CD44: variants seen among roughly 807,000 people sequenced by gnomAD.
CD44 encodes the protein CD44 antigen.
In CD44, 49 loss-of-function variants were observed where a neutral mutation model predicts 88.8. That is an observed-to-expected ratio of 0.55 (90% CI 0.44 to 0.70). The LOEUF is 0.70. Among genes scored for constraint, CD44 ranks in the 30% least tolerant of loss-of-function variants. The pLI is 0.00. For missense variants in CD44, 883 were observed against 913.8 expected (o/e 0.97, Z 0.43); for synonymous variants, 325 against 312.3 (o/e 1.04, Z -0.43).
intron 15 of CD44, among the ~76,000 whole-genome samples, chr11:35,217,065 G>A (rs1242071579): frequency 6.6e-6 from 1 of 152,088 alleles, no homozygotes; most frequent in African/African-American, 2.4e-5. Flanking sequence ...GTCCTACCCT[G>A]GCTGGATTTG....
intron 7 of CD44, among the ~76,000 whole-genome samples, chr11:35,199,398 T>C (rs1947073812): frequency 6.6e-6 from 1 of 152,168 alleles, no homozygotes; most frequent in African/African-American, 2.4e-5. Context: ...TGAACAGAGC[T>C]GAGAATCCTG....
At chr11:35,166,968 C>T (rs1442723634) in intron 1 of CD44, among the ~76,000 whole-genome samples, 1 of 152,218 alleles carries the variant, frequency 6.6e-6, no homozygotes, top group African/African-American at 2.4e-5. Context: ...AGGAGCCCAT[C>T]ACATGGGCAT....
chr11:35,221,615 T>C, intron 16 of CD44, 39 bp from the exon 17 acceptor site: 1 of 1,554,594 alleles, frequency 6.4e-7, no homozygotes, highest in South Asian at 1.1e-5. Context: ...AAAGTGTGTC[T>C]CTGAAGCTCA....
chr11:35,216,508 A>G (rs1948840832), intron 15 of CD44, among the ~76,000 whole-genome samples: 1 of 152,210 alleles, frequency 6.6e-6, no homozygotes, highest in African/African-American at 2.4e-5. Context: ...GAGGAGCACT[A>G]GGAGGTAGGG....
intron 1 of CD44, among the ~76,000 whole-genome samples, chr11:35,162,788 CAAA>C (rs940774543): frequency 1.3e-5 from 2 of 152,022 alleles, no homozygotes; most frequent in African/African-American, 4.8e-5. Context: ...TGTAACTCCC[CAAA>C]ACATCTGAAG....
At chr11:35,151,712 G>A (rs927050413) in intron 1 of CD44, among the ~76,000 whole-genome samples, 10 of 152,222 alleles carry the variant, frequency 6.6e-5, no homozygotes, top group Admixed American at 2.6e-4. Context: ...TGAGAGTTGT[G>A]TGTATAGTCC....
In CD44 at chr11:35,208,197, A is replaced by G. The variant is rs1948070457; in HGVS notation, c.1507A>G (p.Met503Val). ...TTTGGACAGGACAGGACCTCTTTCA[A>G]TGACAACGCGTAAGAATAACGATGC... ...EDLDRTGPLS[M>V]TTQQSNSQSF... The change falls in exon 12 of 18, where the codon ATG (methionine) becomes GTG (valine). Residue 503 changes from methionine (M) to valine (V), a missense_variant. Physicochemically the swap from Met to Val is conservative, Grantham distance 21. Coordinates refer to ENST00000428726, the MANE Select transcript of CD44 (RefSeq NM_000610.4). The G allele has an allele frequency of 1.2e-6, 2 of 1,607,062 alleles. No homozygotes were observed. Among genetic ancestry groups the G allele is most frequent in the Non-Finnish European group, 1.7e-6 (2 of 1,173,640 alleles).
At chr11:35,206,020 G>C (rs1473896937) in intron 10 of CD44, 92 bp from the exon 11 acceptor site, 31 of 1,422,672 alleles carry the variant, frequency 2.2e-5, no homozygotes, top group Admixed American at 3.1e-5. Flanking sequence ...GTCTTGTCTA[G>C]AGAATAAAGT....
intron 15 of CD44, among the ~76,000 whole-genome samples, chr11:35,217,240 G>A (rs1171843723): frequency 1.3e-5 from 2 of 149,310 alleles, no homozygotes; most frequent in Admixed American, 6.7e-5. Flanking sequence ...CGCACACCCA[G>A]ATCTTTTCTT....
chr11:35,187,292 A>T (rs1309780987), intron 4 of CD44, among the ~76,000 whole-genome samples: 2 of 152,108 alleles, frequency 1.3e-5, no homozygotes, highest in Non-Finnish European at 2.9e-5. Flanking sequence ...AAGAAAAAAA[A>T]ATATTAGTCA....
chr11:35,215,158 A>C (rs771598797), intron 15 of CD44, among the ~76,000 whole-genome samples: 1 of 152,220 alleles, frequency 6.6e-6, no homozygotes, highest in Non-Finnish European at 1.5e-5. Flanking sequence ...TAATACTGAC[A>C]CTGCTGGGAC....
At position 35,219,364 on chromosome 11, in the gene CD44, C is replaced by G. The variant is rs144329567; in HGVS notation, c.1922C>G (p.Pro641Arg). ...GGTGGAGCAAACACAACCTCTGGTC[C>G]TATAAGGACACCCCAAATTCCAGGT... ...QEGGANTTSGPIRTPQIPEWL... is the reference protein window; with the variant it reads ...QEGGANTTSGRIRTPQIPEWL... The change falls in exon 16 of 18, where the codon CCT becomes CGT. Residue 641 changes from proline to arginine, a missense_variant. Coordinates refer to ENST00000428726, the MANE Select transcript of CD44 (RefSeq NM_000610.4). The G allele has an allele frequency of 7.3e-5, 117 of 1,613,538 alleles. No homozygotes were observed. The highest frequency in any genetic ancestry group is 9.7e-5 in the Non-Finnish European group (114 of 1,179,736).
At chr11:35,169,735 G>C (rs1055103437) in intron 1 of CD44, among the ~76,000 whole-genome samples, 1 of 152,162 alleles carries the variant, frequency 6.6e-6, no homozygotes, top group African/African-American at 2.4e-5. Context: ...AAATGTGCTC[G>C]GACAATTTTA....
At chr11:35,155,446 C>G (rs1166505056) in intron 1 of CD44, among the ~76,000 whole-genome samples, 1 of 152,070 alleles carries the variant, frequency 6.6e-6, no homozygotes, top group African/African-American at 2.4e-5. Flanking sequence ...TGTGCCACAC[C>G]CTCAACCTTT....
intron 1 of CD44, among the ~76,000 whole-genome samples, chr11:35,162,099 A>C (rs534017156): frequency 1.3e-5 from 2 of 152,316 alleles, no homozygotes; most frequent in East Asian, 3.9e-4. Context: ...GAGGGCACAG[A>C]TCGTGTCTGA....
At position 35,225,601 on chromosome 11, in the gene CD44, G is replaced by T. The variant is rs539261804; in HGVS notation, c.2025-3528G>T. 3.2e-3 allele frequency among the ~76,000 whole-genome samples: 485 copies of T among 152,274 alleles called. 5 individuals are homozygous for T. The highest frequency in any genetic ancestry group is 5.3e-3 in the Non-Finnish European group (359 of 68,018). ...GGAGGCTGAGGCAGGCAGATCATTT[G>T]AGGTCAGGAGTTTGAGACCAGCGTG... On this transcript the variant is annotated intron_variant, in intron 17 of 17. Transcript: ENST00000428726.
rs116237629 is a variant in CD44 at position 35,149,633 on chromosome 11, C to T, written c.67+10263C>T. On this transcript the variant is annotated intron_variant, in intron 1 of 17. Coordinates refer to ENST00000428726, the MANE Select transcript of CD44 (RefSeq NM_000610.4). ...CTTCTATTTTTCCATGTGTAAAATG[C>T]GAGGGTTGGATTCTAGTTGATCTGT... Among the ~76,000 whole-genome samples the T allele has an allele frequency of 6.1e-3, 922 of 152,254 alleles. 6 individuals carry two copies. The highest frequency in any genetic ancestry group is 0.021 in the African/African-American group (879 of 41,528).
intron 3 of CD44, among the ~76,000 whole-genome samples, chr11:35,181,546 G>A (rs113918571): frequency 0.016 from 2,481 of 150,768 alleles, 52 homozygotes; most frequent in Admixed American, 0.04. Flanking sequence ...GAAGCCTTGA[G>A]GTAAACTTGG....
At chr11:35,161,717 C>A (rs148636847) in intron 1 of CD44, among the ~76,000 whole-genome samples, 1 of 152,182 alleles carries the variant, frequency 6.6e-6, no homozygotes, top group Non-Finnish European at 1.5e-5. Context: ...GTTGTTGTAG[C>A]CTTTGCCTTC....
Sources: gnomAD v4.1 joint callset for allele counts (sites outside exome capture counted in the v4.1 genomes callset) on GRCh38, gnomAD v4.1.1 for gene constraint, MANE v1.5 for transcripts, NCBI Gene and HGNC (gene_info 2026-07-23, HGNC 2026-07-21) for gene names.